POU2F1: variants seen among roughly 807,000 people sequenced by gnomAD.
The protein encoded by POU2F1 is POU class 2 homeobox 1.
In POU2F1, 16 loss-of-function variants were observed where a neutral mutation model predicts 84.9. The observed-to-expected ratio is 0.19, with a 90% CI of 0.13 to 0.29. The LOEUF is 0.29. Among genes scored for constraint, POU2F1 ranks in the 10% least tolerant of loss-of-function variants. POU2F1 has a pLI of 1.00. For missense variants in POU2F1, 738 were observed against 942.6 expected, an observed-to-expected ratio of 0.78 and a Z score of 2.84; for synonymous variants, 368 against 368.3, an observed-to-expected ratio of 1.00 and a Z score of 0.01.
chr1:167,395,948 G>A (rs1300637046), intron 9 of POU2F1, among the ~76,000 whole-genome samples: 3 of 152,178 alleles, frequency 2.0e-5, no homozygotes, highest in Non-Finnish European at 4.4e-5. Flanking sequence ...CACTTTGGTT[G>A]TATCAATTAA....
chr1:167,279,907 T>C (rs907852878), intron 1 of POU2F1, among the ~76,000 whole-genome samples: 1 of 152,150 alleles, frequency 6.6e-6, no homozygotes, highest in Non-Finnish European at 1.5e-5. Context: ...ATGATTTGTA[T>C]TTAAAACCAT....
chr1:167,291,798 TAAA>T (rs569062801), intron 1 of POU2F1, among the ~76,000 whole-genome samples: 3 of 152,196 alleles, frequency 2.0e-5, no homozygotes, highest in Non-Finnish European at 4.4e-5. Flanking sequence ...ACTAGCATAT[TAAA>T]GCTTAGCAAG....
intron 1 of POU2F1, among the ~76,000 whole-genome samples, chr1:167,230,732 T>G (rs1052819406): frequency 6.6e-6 from 1 of 152,226 alleles, no homozygotes; most frequent in Non-Finnish European, 1.5e-5. Context: ...CAGTCCTATT[T>G]TCTTCTCTAA....
chr1:167,358,195 C>A (rs551537296), intron 2 of POU2F1, among the ~76,000 whole-genome samples: 1 of 135,066 alleles, frequency 7.4e-6, no homozygotes, highest in South Asian at 2.3e-4. Context: ...GTGGCGCGAT[C>A]TCGGCTCACT....
chr1:167,228,399 T>C (rs1467387628), intron 1 of POU2F1, among the ~76,000 whole-genome samples: 1 of 152,190 alleles, frequency 6.6e-6, no homozygotes, highest in African/African-American at 2.4e-5. Context: ...ACAAACATAA[T>C]TTAAAAATTA....
intron 1 of POU2F1, among the ~76,000 whole-genome samples, chr1:167,324,280 G>T (rs1656535100): frequency 6.6e-6 from 1 of 152,174 alleles, no homozygotes. Flanking sequence ...AATTTAATAG[G>T]TTGAAGTCTA....
At chr1:167,263,255 C>CA (rs1299089255) in intron 1 of POU2F1, among the ~76,000 whole-genome samples, 2 of 152,182 alleles carry the variant, frequency 1.3e-5, no homozygotes, top group Non-Finnish European at 2.9e-5. Flanking sequence ...TGTGGTGGCT[C>CA]ATGCCTGTAA....
At chr1:167,226,116 C>T (rs886512963) in intron 1 of POU2F1, among the ~76,000 whole-genome samples, 1 of 152,168 alleles carries the variant, frequency 6.6e-6, no homozygotes. Context: ...TATCCATGTT[C>T]TTGTTTCTGA....
intron 1 of POU2F1, among the ~76,000 whole-genome samples, chr1:167,299,695 G>GTTTTTTTTTTTTTT (rs571000920): frequency 1.6e-3 from 226 of 139,220 alleles, no homozygotes; most frequent in African/African-American, 6.2e-3. Context: ...GGAGACCAGA[G>GTTTTTTTTTTTTTT]TTTTTTTTTT....
intron 13 of POU2F1, among the ~76,000 whole-genome samples, chr1:167,406,507 C>T (rs1173791411): frequency 6.6e-6 from 1 of 151,988 alleles, no homozygotes; most frequent in African/African-American, 2.4e-5. Context: ...TAACATCGTC[C>T]TGGAGGTTAT....
At chr1:167,271,643 A>T (rs1182946229) in intron 1 of POU2F1, among the ~76,000 whole-genome samples, 1 of 152,188 alleles carries the variant, frequency 6.6e-6, no homozygotes, top group African/African-American at 2.4e-5. Flanking sequence ...ATGTGTAAGG[A>T]GGGAAGGAAT....
At chr1:167,355,630 G>C (rs1427248632) in intron 2 of POU2F1, among the ~76,000 whole-genome samples, 1 of 152,066 alleles carries the variant, frequency 6.6e-6, no homozygotes, top group African/African-American at 2.4e-5. Context: ...TTACAATATT[G>C]AGCTGGCATC....
chr1:167,384,589 A>G (rs1320446448), intron 8 of POU2F1, among the ~76,000 whole-genome samples: 1 of 152,004 alleles, frequency 6.6e-6, no homozygotes, highest in South Asian at 2.1e-4. Context: ...TGTCTGCAGT[A>G]TGGAAGTTAT....
chr1:167,302,539 G>A (rs997175326), intron 1 of POU2F1, among the ~76,000 whole-genome samples: 2 of 152,126 alleles, frequency 1.3e-5, no homozygotes, highest in Non-Finnish European at 2.9e-5. Context: ...TTACAGGCGT[G>A]AGCCACCGCG....
intron 1 of POU2F1, among the ~76,000 whole-genome samples, chr1:167,296,870 T>C (rs1185816606): frequency 1.3e-5 from 2 of 152,198 alleles, no homozygotes; most frequent in African/African-American, 2.4e-5. Flanking sequence ...AAAACTTGTA[T>C]CATGAAGGCT....
At chr1:167,225,832 T>C (rs1381235258) in intron 1 of POU2F1, among the ~76,000 whole-genome samples, 4 of 152,232 alleles carry the variant, frequency 2.6e-5, no homozygotes, top group Admixed American at 6.5e-5. Context: ...ATTTTTGTTT[T>C]GTTTTTTAAT....
At chr1:167,330,631 G>A (rs939220551) in intron 1 of POU2F1, among the ~76,000 whole-genome samples, 1 of 152,110 alleles carries the variant, frequency 6.6e-6, no homozygotes, top group African/African-American at 2.4e-5. Flanking sequence ...GTGAAGTAAT[G>A]TTTTATTTTT....
intron 2 of POU2F1, among the ~76,000 whole-genome samples, chr1:167,353,622 T>A (rs1426817635): frequency 6.6e-6 from 1 of 152,182 alleles, no homozygotes; most frequent in Non-Finnish European, 1.5e-5. Flanking sequence ...AAAGAAACGA[T>A]CATCACTCAC....
At chr1:167,276,473 A>T (rs1033439310) in intron 1 of POU2F1, among the ~76,000 whole-genome samples, 2 of 152,156 alleles carry the variant, frequency 1.3e-5, no homozygotes, top group African/African-American at 4.8e-5. Context: ...GGAAAAACAT[A>T]GTGTTATATA....
Sources: allele counts gnomAD v4.1 joint callset (sites outside exome capture counted in the v4.1 genomes callset), GRCh38; gene constraint gnomAD v4.1.1; transcripts MANE v1.5; gene names NCBI Gene and HGNC (gene_info 2026-07-23, HGNC 2026-07-21).